Variants in MSI2 observed in about 807,000 individuals in gnomAD.
MSI2 encodes the protein RNA-binding protein Musashi homolog 2.
In MSI2, 17 loss-of-function variants were observed where a neutral mutation model predicts 45.6. The ratio of observed to expected loss-of-function variants is 0.37; its 90% CI spans 0.26 to 0.56. MSI2 has a LOEUF of 0.56. Among genes scored for constraint, MSI2 ranks in the 20% least tolerant of loss-of-function variants. The pLI is 0.77. For missense variants in MSI2, 293 were observed against 444.2 expected, an observed-to-expected ratio of 0.66 and a Z score of 3.06; for synonymous variants, 156 against 158.2, an observed-to-expected ratio of 0.99 and a Z score of 0.11.
At chr17:57,651,153 G>A (rs1329299222) in intron 10 of MSI2, among the ~76,000 whole-genome samples, 5 of 152,142 alleles carry the variant, frequency 3.3e-5, no homozygotes, top group Non-Finnish European at 2.9e-5. Flanking sequence ...CCAGGGTAGG[G>A]AACATGGCAT....
chr17:57,575,687 T>G (rs1354508888), intron 7 of MSI2, among the ~76,000 whole-genome samples: 1 of 152,128 alleles, frequency 6.6e-6, no homozygotes, highest in African/African-American at 2.4e-5. Flanking sequence ...GGCTCAGGCC[T>G]GTAATCCCAG....
chr17:57,370,813 C>A (rs1041691304), intron 5 of MSI2, among the ~76,000 whole-genome samples: 2 of 152,186 alleles, frequency 1.3e-5, no homozygotes, highest in Admixed American at 1.3e-4. Context: ...GGTCAGGATG[C>A]ACAGATCCCT....
intron 7 of MSI2, among the ~76,000 whole-genome samples, chr17:57,565,553 C>T (rs575002488): frequency 4.6e-5 from 7 of 152,342 alleles, no homozygotes; most frequent in African/African-American, 1.7e-4. Context: ...TTCCTTTTGT[C>T]CTGCTCCATC....
At chr17:57,369,931 C>G (rs1370236151) in intron 5 of MSI2, among the ~76,000 whole-genome samples, 1 of 152,208 alleles carries the variant, frequency 6.6e-6, no homozygotes, top group Non-Finnish European at 1.5e-5. Context: ...CCAGAGTAAT[C>G]TCTGCTCTTC....
At chr17:57,607,970 T>G (rs955509318) in intron 8 of MSI2, among the ~76,000 whole-genome samples, 1 of 152,152 alleles carries the variant, frequency 6.6e-6, no homozygotes, top group Non-Finnish European at 1.5e-5. Context: ...ATCAGAGGCT[T>G]CCCACCAGGC....
intron 5 of MSI2, among the ~76,000 whole-genome samples, chr17:57,387,852 G>A (rs1345041376): frequency 6.6e-6 from 1 of 152,162 alleles, no homozygotes; most frequent in African/African-American, 2.4e-5. Context: ...GGGGAAGAGG[G>A]ACTTAATTGT....
In MSI2 at chr17:57,627,086, A is replaced by G. The variant is rs113379610; in HGVS notation, c.653-143A>G. 5.5e-3 allele frequency: 4,135 copies of G among 757,808 alleles called. 118 individuals carry two copies. In the African/African-American group the frequency reaches 0.062, roughly 11 times the overall value. The allele number at this position is 757,808 out of a possible 1,614,324, so 46.9% of individuals were successfully genotyped here. A position where few individuals can be genotyped will look rare whatever the true frequency, so the allele number is the denominator to read the frequency against. On this transcript the variant is annotated intron_variant, in intron 9 of 13. Coordinates refer to ENST00000284073, the MANE Select transcript of MSI2 (RefSeq NM_138962.4). The surrounding 1 kb of genome is among the most constrained non-coding windows in gnomAD (Gnocchi z 4.6). The stretch of plus-strand genomic sequence containing the variant: ...CAGGAGAGAGGTGACCCAGACCCTT[A>G]ATAAAAAAACCCTCATGAGAGACAA...
intron 5 of MSI2, among the ~76,000 whole-genome samples, chr17:57,297,310 A>G (rs1287501384): frequency 6.6e-6 from 1 of 152,128 alleles, no homozygotes; most frequent in Non-Finnish European, 1.5e-5. Context: ...ATATTGCAGT[A>G]AAGCTAGTCA....
intron 10 of MSI2, chr17:57,628,167 T>G (rs934434079): frequency 3.9e-5 from 6 of 152,270 alleles, no homozygotes; most frequent in Non-Finnish European, 7.3e-5. Context: ...CAGAGTCTTG[T>G]CCCCTGTGGG....
chr17:57,536,474 C>T (rs949777615), intron 7 of MSI2, among the ~76,000 whole-genome samples: 1 of 152,214 alleles, frequency 6.6e-6, no homozygotes, highest in African/African-American at 2.4e-5. Context: ...TTGGCTCCCA[C>T]GCTGCCCTCG....
intron 5 of MSI2, among the ~76,000 whole-genome samples, chr17:57,385,382 G>C (rs2144047098): frequency 6.6e-6 from 1 of 152,270 alleles, no homozygotes. Context: ...AACAAGCAAT[G>C]ATATTCCATG....
chr17:57,328,731 G>T (rs535122193), intron 5 of MSI2, among the ~76,000 whole-genome samples: 31 of 151,118 alleles, frequency 2.1e-4, no homozygotes, highest in Admixed American at 5.3e-4. Flanking sequence ...TCTTTGAAGA[G>T]TCTTTTTTTT....
rs2144773958 is a variant in MSI2 at position 57,683,431 on chromosome 17, G to T, written c.*3914G>T. ...TATTTTGATCTTTAGTGCAAACGAG[G>T]GCTAGGGACTTAGCCTCCTCCACCA... On this transcript the variant is annotated 3_prime_UTR_variant, in exon 14 of 14. Transcript: ENST00000284073. This position sits in a 1 kb window ranked among gnomAD's most constrained non-coding sequence, Gnocchi z 5.2. 4.4e-6 allele frequency: 1 copy of T among 229,100 alleles called. No homozygotes were observed. Among genetic ancestry groups the T allele is most frequent in the East Asian group, 6.2e-5 (1 of 16,080 alleles). 14.2% of individuals were successfully genotyped at this position (229,100 alleles called of 1,614,324 possible).
At chr17:57,324,882 C>A (rs1312674793) in intron 5 of MSI2, among the ~76,000 whole-genome samples, 1 of 152,210 alleles carries the variant, frequency 6.6e-6, no homozygotes, top group East Asian at 1.9e-4. Flanking sequence ...CACCTGACTG[C>A]TGAACTTTGC....
intron 10 of MSI2, among the ~76,000 whole-genome samples, chr17:57,647,126 C>T (rs1331468292): frequency 1.3e-5 from 2 of 151,922 alleles, no homozygotes; most frequent in African/African-American, 4.8e-5. Context: ...TACCAGACCA[C>T]TGTAATCAAT....
chr17:57,563,756 A>G (rs1284074005), intron 7 of MSI2, among the ~76,000 whole-genome samples: 3,200 of 147,074 alleles, frequency 0.022, 64 homozygotes, highest in African/African-American at 0.052. Flanking sequence ...GCACACACAC[A>G]CACACACACA....
chr17:57,694,661 C>G, the MSI2 span, among the ~76,000 whole-genome samples: 1 of 152,128 alleles, frequency 6.6e-6, no homozygotes, highest in South Asian at 2.1e-4. Context: ...TATGTTCATG[C>G]TAAACCTATC....
intron 5 of MSI2, chr17:57,286,022 A>G: frequency 6.6e-7 from 1 of 1,522,080 alleles, no homozygotes; most frequent in Non-Finnish European, 8.8e-7. Flanking sequence ...GGTAAGAAAA[A>G]GTTCATGCTG....
At chr17:57,388,930 AG>A (rs1267347706) in intron 5 of MSI2, among the ~76,000 whole-genome samples, 2 of 150,950 alleles carry the variant, frequency 1.3e-5, no homozygotes, top group Middle Eastern at 3.2e-3. Flanking sequence ...CTGAGATGAC[AG>A]GCGTGAGCTA....
Sources: gnomAD v4.1 joint callset for allele counts (sites outside exome capture counted in the v4.1 genomes callset) on GRCh38, gnomAD v4.1.1 for gene constraint, Gnocchi (gnomAD v3.1) non-coding constraint, MANE v1.5 for transcripts, NCBI Gene and HGNC (gene_info 2026-07-23, HGNC 2026-07-21) for gene names.